TRABD2B: variants seen among roughly 807,000 people sequenced by gnomAD.
TRABD2B encodes the protein TraB domain containing 2B, also known as metalloprotease TIKI2.
A neutral mutation model predicts 40.1 loss-of-function variants in TRABD2B; 14 were observed. The ratio of observed to expected loss-of-function variants is 0.35; its 90% CI spans 0.23 to 0.55. TRABD2B has a LOEUF of 0.55. Ranked by LOEUF, TRABD2B falls within the 20% of genes least tolerant of loss-of-function variation. The pLI, the probability that TRABD2B is intolerant of heterozygous loss-of-function variation, is 0.90. For synonymous variants in TRABD2B, 263 were observed against 277.0 expected (o/e 0.95, Z 0.50); for missense variants, 541 against 648.6 (o/e 0.83, Z 1.80).
intron 5 of TRABD2B, among the ~76,000 whole-genome samples, chr1:47,776,387 C>T (rs1177437021): frequency 6.6e-6 from 1 of 152,124 alleles, no homozygotes; most frequent in Non-Finnish European, 1.5e-5. Context: ...AATAATACTA[C>T]CTACTTCATG....
rs1288962803 is a variant in TRABD2B at position 47,766,081 on chromosome 1, G to C, written c.1375C>G (p.Pro459Ala). 1 of 700,640 alleles carries C rather than the reference G, an allele frequency of 1.4e-6. No homozygotes were observed. Among genetic ancestry groups the C allele is most frequent in the African/African-American group, 1.7e-5 (1 of 57,244 alleles). 43.4% of individuals were successfully genotyped at this position (700,640 alleles called of 1,614,324 possible). Reference sequence around the variant, plus strand: ...CCCGAGCTGTGGGTGGGCTGCAGGGGCAGCGGGGGTGGTGAGGCGGTGGTG... The same window carrying C: ...CCCGAGCTGTGGGTGGGCTGCAGGGCCAGCGGGGGTGGTGAGGCGGTGGTG... The part of the protein sequence containing the change: ...DSTTASPPPL[P>A]LQPTHSSGTA... Residue 459 changes from proline (P) to alanine (A), a missense_variant, in exon 7 of 7, where the codon CCC becomes GCC. Coordinates refer to ENST00000606738, the MANE Select transcript of TRABD2B (RefSeq NM_001194986.2).
chr1:47,857,832 T>C (rs1270942583), intron 2 of TRABD2B, among the ~76,000 whole-genome samples: 1 of 151,966 alleles, frequency 6.6e-6, no homozygotes, highest in African/African-American at 2.4e-5. Context: ...TAACTGCTAA[T>C]AATGTCTGTG....
chr1:47,895,435 G>A (rs1644504191), intron 2 of TRABD2B, among the ~76,000 whole-genome samples: 1 of 152,058 alleles, frequency 6.6e-6, no homozygotes, highest in Admixed American at 6.5e-5. Context: ...GGTGCCCTGG[G>A]ACTGCCCAGC....
At chr1:47,919,874 G>C (rs2124731159) in intron 2 of TRABD2B, among the ~76,000 whole-genome samples, 1 of 152,326 alleles carries the variant, frequency 6.6e-6, no homozygotes, top group Non-Finnish European at 1.5e-5. Flanking sequence ...GGGCAGGAAA[G>C]AGAGGGAGGA....
chr1:47,819,314 G>A (rs1645076156), intron 2 of TRABD2B: 1 of 152,272 alleles, frequency 6.6e-6, no homozygotes, highest in African/African-American at 2.4e-5. Context: ...GGAAAAGCGG[G>A]GCGCTTGAAT....
chr1:47,963,045 C>T (rs1433211148), intron 2 of TRABD2B, among the ~76,000 whole-genome samples: 1 of 152,198 alleles, frequency 6.6e-6, no homozygotes, highest in African/African-American at 2.4e-5. Flanking sequence ...TTCATTCATT[C>T]ACTAAATATT....
intron 2 of TRABD2B, among the ~76,000 whole-genome samples, chr1:47,916,225 T>C (rs1644829055): frequency 1.3e-5 from 2 of 152,076 alleles, no homozygotes; most frequent in African/African-American, 4.8e-5. Flanking sequence ...GCCCAGCCCT[T>C]ACAGAAGCCT....
chr1:47,993,725 G>A (rs1646046252), intron 2 of TRABD2B, among the ~76,000 whole-genome samples: 1 of 152,212 alleles, frequency 6.6e-6, no homozygotes, highest in Non-Finnish European at 1.5e-5. Flanking sequence ...TGATCACTCT[G>A]ATGCTCTGAG....
chr1:47,775,303 A>G lies in TRABD2B; in HGVS notation c.1216T>C (p.Ser406Pro), dbSNP rs1345167659. 3 of 1,252,534 alleles carry G rather than the reference A, an allele frequency of 2.4e-6. No homozygotes were observed. The highest frequency in any genetic ancestry group is 3.0e-6 in the Non-Finnish European group (3 of 996,160). 77.6% of individuals were successfully genotyped at this position (1,252,534 alleles called of 1,614,324 possible). The change falls in exon 6 of 7, where the codon TCC (serine) becomes CCC (proline). Residue 406 changes from serine to proline, a missense_variant. Physicochemically the swap from Ser to Pro is moderately conservative, Grantham distance 74. Coordinates refer to ENST00000606738, the MANE Select transcript of TRABD2B (RefSeq NM_001194986.2). ...APPEDEDPAL[S>P]PHLLLPDSLS... ...CTGTCGGGGAGCAGGAGGTGTGGGG[A>G]CAGGGCTGGATCCTCATCCTCTGGT...
chr1:47,834,021 C>T (rs1380681709), intron 2 of TRABD2B, among the ~76,000 whole-genome samples: 1 of 152,188 alleles, frequency 6.6e-6, no homozygotes, highest in Admixed American at 6.5e-5. Flanking sequence ...AAACCAACAC[C>T]TGCAATCCCA....
intron 2 of TRABD2B, among the ~76,000 whole-genome samples, chr1:47,845,122 T>G (rs1372245724): frequency 6.6e-6 from 1 of 152,160 alleles, no homozygotes; most frequent in African/African-American, 2.4e-5. Context: ...GTGACCAGCT[T>G]TGGCCCCTGT....
chr1:47,976,776 C>T (rs144086432), intron 2 of TRABD2B, among the ~76,000 whole-genome samples: 66 of 152,260 alleles, frequency 4.3e-4, no homozygotes, highest in African/African-American at 1.5e-3. Context: ...ATGCAGCAGG[C>T]ACAGAAGAAT....
chr1:47,909,840 C>CTCT (rs1242209465), intron 2 of TRABD2B, among the ~76,000 whole-genome samples: 1 of 34 alleles, frequency 0.029, no homozygotes, highest in Non-Finnish European at 0.05. Flanking sequence ...TGCTTTCTTT[C>CTCT]TTTCTTGTGG....
intron 2 of TRABD2B, among the ~76,000 whole-genome samples, chr1:47,921,217 G>T (rs1359045640): frequency 6.6e-6 from 1 of 152,136 alleles, no homozygotes; most frequent in Non-Finnish European, 1.5e-5. Context: ...GACAGGTCAC[G>T]GTAGACCAAC....
chr1:47,850,815 G>A (rs755177726), intron 2 of TRABD2B, among the ~76,000 whole-genome samples: 14 of 152,210 alleles, frequency 9.2e-5, no homozygotes, highest in Non-Finnish European at 2.1e-4. Flanking sequence ...ACCTGGGACC[G>A]ATTTCATGGA....
intron 4 of TRABD2B, among the ~76,000 whole-genome samples, chr1:47,788,433 T>C (rs1471667317): frequency 6.6e-6 from 1 of 152,130 alleles, no homozygotes; most frequent in East Asian, 1.9e-4. Context: ...GTGCCAAATG[T>C]GTGGGTGCCT....
At chr1:47,941,483 T>A (rs906050124) in intron 2 of TRABD2B, among the ~76,000 whole-genome samples, 6 of 152,160 alleles carry the variant, frequency 3.9e-5, no homozygotes, top group Non-Finnish European at 8.8e-5. Context: ...CCCACAAAAA[T>A]GCACCTGGTT....
chr1:47,985,098 A>G (rs1350066865), intron 2 of TRABD2B, among the ~76,000 whole-genome samples: 1 of 152,206 alleles, frequency 6.6e-6, no homozygotes, highest in Non-Finnish European at 1.5e-5. Flanking sequence ...GCAATCCTAT[A>G]CAGTTGACAT....
chr1:47,995,513 T>C (rs1557703209), intron 1 of TRABD2B, among the ~76,000 whole-genome samples: 1 of 152,030 alleles, frequency 6.6e-6, no homozygotes, highest in Admixed American at 6.5e-5. Flanking sequence ...TGTGTGTGTG[T>C]GTGTGTGCGC....
Sources: gnomAD v4.1 joint callset for allele counts (sites outside exome capture counted in the v4.1 genomes callset) on GRCh38, gnomAD v4.1.1 for gene constraint, MANE v1.5 for transcripts, NCBI Gene and HGNC (gene_info 2026-07-23, HGNC 2026-07-21) for gene names.